Variants in TTLL5 observed in about 807,000 individuals in gnomAD.
TTLL5 encodes tubulin polyglutamylase TTLL5.
In TTLL5, 132 loss-of-function variants were observed where a neutral mutation model predicts 168.4. That is an observed-to-expected ratio of 0.78 (90% confidence interval 0.68 to 0.91). TTLL5 has a LOEUF of 0.91. Among genes scored for constraint, TTLL5 ranks in the 40% least tolerant of loss-of-function variants. The pLI is 0.00. For synonymous variants in TTLL5, 546 were observed against 558.6 expected (o/e 0.98, Z 0.32); for missense variants, 1,545 against 1,581.5 (o/e 0.98, Z 0.39).
intron 17 of TTLL5, among the ~76,000 whole-genome samples, chr14:75,750,474 ATCT>A (rs1354567300): frequency 6.6e-6 from 1 of 150,490 alleles, no homozygotes; most frequent in East Asian, 1.9e-4. Context: ...CAGCAACTAG[ATCT>A]TCTTCCTCCT....
chr14:75,715,009 A>G (rs1483570724), intron 9 of TTLL5, among the ~76,000 whole-genome samples: 1 of 152,244 alleles, frequency 6.6e-6, no homozygotes, highest in African/African-American at 2.4e-5. Flanking sequence ...TCAAAACTAC[A>G]GAGTTCCTTC....
chr14:75,940,677 C>T (rs1213912386), intron 31 of TTLL5, among the ~76,000 whole-genome samples: 1 of 152,166 alleles, frequency 6.6e-6, no homozygotes, highest in African/African-American at 2.4e-5. Flanking sequence ...CATTAGGATA[C>T]TTACTATCTA....
intron 2 of TTLL5, among the ~76,000 whole-genome samples, chr14:75,664,644 T>A (rs1456842497): frequency 6.6e-6 from 1 of 152,240 alleles, no homozygotes; most frequent in South Asian, 2.1e-4. Context: ...ACGTTTCTTA[T>A]CACTGTTAGG....
intron 28 of TTLL5, among the ~76,000 whole-genome samples, chr14:75,842,651 A>C (rs975432918): frequency 6.6e-6 from 1 of 152,230 alleles, no homozygotes; most frequent in Admixed American, 6.5e-5. Context: ...AAATATTAAA[A>C]AGGAAGAAAA....
intron 27 of TTLL5, among the ~76,000 whole-genome samples, chr14:75,815,615 G>A (rs942280361): frequency 6.6e-6 from 1 of 152,142 alleles, no homozygotes; most frequent in African/African-American, 2.4e-5. Flanking sequence ...AAAATCAAAG[G>A]GAAAGAAGGA....
Position 75,776,711 on chromosome 14 carries a change from C to A in TTLL5, c.2284-36C>A, listed in dbSNP as rs777247585. 6 of 1,521,050 alleles carry A rather than the reference C, an allele frequency of 3.9e-6. No homozygotes were observed. The Admixed American group carries it at 1.0e-4, about 27-fold the overall frequency. 94.2% of individuals were successfully genotyped at this position (1,521,050 alleles called of 1,614,324 possible). On this transcript the variant is annotated intron_variant, in intron 22 of 31. Transcript: ENST00000298832. ...CATATTTATTAGGAGTCAGTTTTAT[C>A]TTGTTGTTTTTCTGTGGGGTTTGGG... is the stretch of plus-strand genomic sequence containing the variant.
At chr14:75,841,969 C>T (rs961100915) in intron 28 of TTLL5, among the ~76,000 whole-genome samples, 2 of 152,156 alleles carry the variant, frequency 1.3e-5, no homozygotes, top group Non-Finnish European at 1.5e-5. Flanking sequence ...TTTTTAACCA[C>T]TATGTCGTTT....
At chr14:75,666,005 T>A (rs73307514) in intron 2 of TTLL5, among the ~76,000 whole-genome samples, 1 of 152,270 alleles carries the variant, frequency 6.6e-6, no homozygotes, top group African/African-American at 2.4e-5. Context: ...ATTTTCCCTC[T>A]GCTCCCATCC....
intron 29 of TTLL5, among the ~76,000 whole-genome samples, chr14:75,865,737 G>A (rs1315241097): frequency 6.6e-6 from 1 of 152,112 alleles, no homozygotes; most frequent in Non-Finnish European, 1.5e-5. Context: ...TCAAAGTACT[G>A]TACTACTATT....
intron 27 of TTLL5, among the ~76,000 whole-genome samples, chr14:75,804,357 C>G (rs1205691417): frequency 6.6e-6 from 1 of 152,246 alleles, no homozygotes. Flanking sequence ...GCTTCCGCAG[C>G]TAACACCGTA....
chr14:75,894,108 G>A (rs2032541004), intron 30 of TTLL5, among the ~76,000 whole-genome samples: 2 of 152,174 alleles, frequency 1.3e-5, no homozygotes, highest in Non-Finnish European at 1.5e-5. Context: ...GGTCCGTGTC[G>A]ACTTTGAGGT....
chr14:75,926,313 T>C, intron 31 of TTLL5, among the ~76,000 whole-genome samples: 1 of 151,956 alleles, frequency 6.6e-6, no homozygotes, highest in East Asian at 1.9e-4. Flanking sequence ...ATTTGCCAGT[T>C]CGTGTCTTTT....
chr14:75,812,732 G>C (rs1002945850), intron 27 of TTLL5, among the ~76,000 whole-genome samples: 2 of 152,132 alleles, frequency 1.3e-5, no homozygotes, highest in Non-Finnish European at 2.9e-5. Context: ...AGGAAGCATT[G>C]AATGGTTCCT....
intron 23 of TTLL5, among the ~76,000 whole-genome samples, 177 bp from the exon 24 acceptor site, chr14:75,779,398 A>G (rs963263393): frequency 6.6e-6 from 1 of 152,192 alleles, no homozygotes; most frequent in Non-Finnish European, 1.5e-5. Flanking sequence ...CTTATGCTTT[A>G]AATTTTTTAG....
intron 1 of TTLL5, among the ~76,000 whole-genome samples, chr14:75,662,741 A>G (rs868819864): frequency 6.6e-6 from 1 of 152,186 alleles, no homozygotes; most frequent in African/African-American, 2.4e-5. Context: ...ACCTGCCTCA[A>G]ACTGAGTGAA....
chr14:75,718,005 A>G (rs1181660470), intron 10 of TTLL5, 43 bp downstream of exon 10: 1 of 1,565,894 alleles, frequency 6.4e-7, no homozygotes, highest in Non-Finnish European at 8.8e-7. Flanking sequence ...TGTCAGTCTC[A>G]GATGTGGGTG....
chr14:75,773,982 A>AGC, intron 21 of TTLL5, among the ~76,000 whole-genome samples: 1 of 148,356 alleles, frequency 6.7e-6, no homozygotes, highest in East Asian at 2.0e-4. Flanking sequence ...AGAGAGAGAG[A>AGC]GAGAGAGAGA....
At chr14:75,745,329 T>A (rs1350021949) in intron 16 of TTLL5, 121 bp downstream of exon 16, 1 of 1,221,634 alleles carries the variant, frequency 8.2e-7, no homozygotes, top group Non-Finnish European at 1.2e-6. Context: ...AGATTCAAGA[T>A]TGGAGAAATG....
chr14:75,720,272 CTG>C (rs1393199706), intron 11 of TTLL5, among the ~76,000 whole-genome samples: 4 of 152,120 alleles, frequency 2.6e-5, no homozygotes, highest in South Asian at 2.1e-4. Flanking sequence ...GAACGGGAAA[CTG>C]TGTGCCAAAA....
Sources: gnomAD v4.1 joint callset for allele counts (sites outside exome capture counted in the v4.1 genomes callset) on GRCh38, gnomAD v4.1.1 for gene constraint, MANE v1.5 for transcripts, NCBI Gene and HGNC (gene_info 2026-07-23, HGNC 2026-07-21) for gene names.